Variants in PSMD2 observed in about 807,000 individuals in gnomAD.
PSMD2 encodes the protein proteasome 26S subunit ubiquitin receptor, non-ATPase 2.
In PSMD2, 8 loss-of-function variants were observed where a neutral mutation model predicts 101.5. The ratio of observed to expected loss-of-function variants is 0.08; its 90% CI spans 0.05 to 0.14. PSMD2 has a LOEUF of 0.14. Among genes scored for constraint, PSMD2 ranks in the 10% least tolerant of loss-of-function variants. PSMD2 has a pLI of 1.00. For missense variants in PSMD2, 784 were observed against 1,147.4 expected, an observed-to-expected ratio of 0.68 and a Z score of 4.58; for synonymous variants, 418 against 433.8, an observed-to-expected ratio of 0.96 and a Z score of 0.45.
In PSMD2 at chr3:184,304,269, A is replaced by G; in HGVS notation, c.1452-35A>G. On this transcript the variant is annotated intron_variant, in intron 11 of 20. Coordinates refer to ENST00000310118, the MANE Select transcript of PSMD2 (RefSeq NM_002808.5). The surrounding 1 kb of genome is among the most constrained non-coding windows in gnomAD (Gnocchi z 4.1). ...TTCTTTTCTTGCTGCATCGTTGGGT[A>G]TGTGTTGGGGACCGCCTTTCCATGG... 2 of 1,598,124 alleles carry G rather than the reference A, an allele frequency of 1.3e-6. No homozygotes were observed. The highest frequency in any genetic ancestry group is 1.7e-6 in the Non-Finnish European group (2 of 1,165,476).
chr3:184,299,785 G>T, intron 1 of PSMD2, 66 bp from the exon 2 acceptor site: 1 of 1,352,340 alleles, frequency 7.4e-7, no homozygotes, highest in Non-Finnish European at 1.1e-6. Flanking sequence ...ACCTGCCCCG[G>T]GTAAGTGGGA....
In PSMD2 at chr3:184,304,087, G is replaced by C. The variant is rs372122447; in HGVS notation, c.1451+13G>C. On this transcript the variant is annotated intron_variant, in intron 11 of 20. Transcript: ENST00000310118. The surrounding 1 kb of genome is among the most constrained non-coding windows in gnomAD (Gnocchi z 4.1). ...GTTCCATCTTTGGGTAAGGTTCCTC[G>C]CTTGTCTTTCTGGTAGTGCTCAGCC... 6.2e-7 allele frequency: 1 copy of C among 1,613,688 alleles called. No homozygotes were observed. The highest frequency in any genetic ancestry group is 8.5e-7 in the Non-Finnish European group (1 of 1,179,952).
chr3:184,299,519 C>T, intron 1 of PSMD2, 118 bp downstream of exon 1: 1 of 1,267,778 alleles, frequency 7.9e-7, no homozygotes, highest in South Asian at 2.2e-5. Flanking sequence ...GCGGTTGGGG[C>T]GACCCTCGGG....
At position 184,308,062 on chromosome 3, in the gene PSMD2, A is replaced by C; in HGVS notation, c.2425+46A>C. The C allele has an allele frequency of 6.2e-7, 1 of 1,606,208 alleles. No homozygotes were observed. The highest frequency in any genetic ancestry group is 8.5e-7 in the Non-Finnish European group (1 of 1,177,110). On this transcript the variant is annotated intron_variant, in intron 19 of 20. Coordinates refer to ENST00000310118, the MANE Select transcript of PSMD2 (RefSeq NM_002808.5). This position sits in a 1 kb window ranked among gnomAD's most constrained non-coding sequence, Gnocchi z 6.0. The stretch of plus-strand genomic sequence containing the variant: ...TTATATCATAGCATGCAGGGCTCTG[A>C]CTCCACCCTTTCCAGGGCCACTTTG...
intron 1 of PSMD2, 55 bp downstream of exon 1, chr3:184,299,456 G>C (rs1351372046): frequency 2.3e-6 from 3 of 1,307,944 alleles, no homozygotes; most frequent in Admixed American, 4.0e-5. Context: ...AGTCACGGCG[G>C]CTCCGCAGGC....
intron 1 of PSMD2, 179 bp downstream of exon 1, chr3:184,299,580 C>T: frequency 2.2e-6 from 2 of 917,714 alleles, no homozygotes; most frequent in Middle Eastern, 3.7e-4. Context: ...CGCGCTGTCA[C>T]CTCCGCCGTC....
Position 184,308,667 on chromosome 3 carries a change from G to C in PSMD2, c.2545-41G>C. On this transcript the variant is annotated intron_variant, in intron 20 of 20. Transcript: ENST00000310118. This position sits in a 1 kb window ranked among gnomAD's most constrained non-coding sequence, Gnocchi z 6.0. ...AAACTGGCGTGGGCGGTGGCTTGTC[G>C]CTACTTTTCCATCTCTCTTTTCAAT... The C allele has an allele frequency of 6.3e-7, 1 of 1,597,824 alleles. No homozygotes were observed. The highest frequency in any genetic ancestry group is 8.6e-7 in the Non-Finnish European group (1 of 1,167,110).
In PSMD2 at chr3:184,300,274, G is replaced by A. The variant is rs1459545098; in HGVS notation, c.193-6G>A. 5.0e-6 allele frequency: 8 copies of A among 1,610,416 alleles called. No individual in the cohort carries two copies. Among genetic ancestry groups the A allele is most frequent in the Middle Eastern group, 1.7e-4 (1 of 6,036 alleles). Reference sequence around the variant, plus strand: ...TTTTGTCTGAGCCCTGTCGTCTCTTGATCAGGAGAAGGATACATCCCTGTA... The same window carrying A: ...TTTTGTCTGAGCCCTGTCGTCTCTTAATCAGGAGAAGGATACATCCCTGTA... On this transcript the variant is annotated splice_polypyrimidine_tract_variant and splice_region_variant and intron_variant, in intron 2 of 20. Coordinates refer to ENST00000310118, the MANE Select transcript of PSMD2 (RefSeq NM_002808.5).
At chr3:184,303,205 A>T (rs1485800941) in intron 8 of PSMD2, 115 bp from the exon 9 acceptor site, 1 of 1,497,110 alleles carries the variant, frequency 6.7e-7, no homozygotes, top group East Asian at 2.3e-5. Context: ...GGGGGGGTAT[A>T]GGTAGAGGAT....
rs989402853 is a variant in PSMD2, at chr3:184,304,484, G to A, written c.1539+93G>A. 46 of 1,246,524 alleles carry A rather than the reference G, an allele frequency of 3.7e-5. No homozygotes were observed. The highest frequency in any genetic ancestry group is 4.7e-5 in the Non-Finnish European group (41 of 863,422). 77.2% of individuals were successfully genotyped at this position (1,246,524 alleles called of 1,614,324 possible). A position where few individuals can be genotyped will look rare whatever the true frequency, so the allele number is the denominator to read the frequency against. On this transcript the variant is annotated intron_variant, in intron 12 of 20. Transcript: ENST00000310118. The surrounding 1 kb of genome is among the most constrained non-coding windows in gnomAD (Gnocchi z 4.1). ...AATAATGAAAAAGAAGTAAGTGTGT[G>A]CATGTGTGCATACATGTACATGCCT... is the stretch of plus-strand genomic sequence containing the variant.
At chr3:184,302,603 T>C in intron 6 of PSMD2, 75 bp downstream of exon 6, 1 of 1,611,416 alleles carries the variant, frequency 6.2e-7, no homozygotes. Context: ...GACTTGTAGT[T>C]TCTGGTTAGG....
Position 184,308,572 on chromosome 3 carries a change from GAGGCTGAGTAGAGGGGAGGGCTC to G in PSMD2, c.2544+12_2544+34del. 7 of 1,610,090 alleles carry G rather than the reference GAGGCTGAGTAGAGGGGAGGGCTC, an allele frequency of 4.3e-6. No individual in the cohort carries two copies. The highest frequency in any genetic ancestry group is 2.2e-5 in the South Asian group (2 of 90,914). On this transcript the variant is annotated splice_donor_region_variant and intron_variant, in intron 20 of 20. Transcript: ENST00000310118. The surrounding 1 kb of genome is among the most constrained non-coding windows in gnomAD (Gnocchi z 6.0). ...GTGTCTGTCCGTGTGGGCCAGGTGA[GAGGCTGAGTAGAGGGGAGGGCTC>G]AGGCTGTATTCTCAAACTGGAGAAT...
chr3:184,306,206 C>G, intron 14 of PSMD2, 51 bp downstream of exon 14: 1 of 1,602,230 alleles, frequency 6.2e-7, no homozygotes, highest in Non-Finnish European at 8.6e-7. Context: ...CTCCTCACTT[C>G]TTTCTTGGTC....
chr3:184,307,558 A>T (rs760861628), intron 17 of PSMD2, 33 bp downstream of exon 17: 15 of 1,613,972 alleles, frequency 9.3e-6, no homozygotes, highest in Middle Eastern at 1.6e-4. Context: ...TCATAAACAG[A>T]TTGGGGGAAG....
At position 184,300,385 on chromosome 3, in the gene PSMD2, C is replaced by T. The variant is rs1474268582; in HGVS notation, c.298C>T (p.Arg100Cys). The change falls in exon 3 of 21, where the codon CGT (arginine) becomes TGT (cysteine). Residue 100 changes from arginine (R) to cysteine (C), a missense_variant. Arg to Cys is a radical substitution (Grantham distance 180). Transcript: ENST00000310118. The stretch of plus-strand genomic sequence containing the variant: ...AGTGCCCAAGCCTCTCAAATTTCTG[C>T]GTCCACACTATGGCAAACTGAAGGA... Reference protein sequence around the residue: ...TSVPKPLKFLRPHYGKLKEIY... With the variant: ...TSVPKPLKFLCPHYGKLKEIY... The T allele has an allele frequency of 3.7e-6, 6 of 1,614,100 alleles. No individual in the cohort carries two copies. Among genetic ancestry groups the T allele is most frequent in the Admixed American group, 1.7e-5 (1 of 60,026 alleles).
At position 184,304,150 on chromosome 3, in the gene PSMD2, C is replaced by T. The variant is rs1053174977; in HGVS notation, c.1451+76C>T. On this transcript the variant is annotated intron_variant, in intron 11 of 20. Transcript: ENST00000310118. This position sits in a 1 kb window ranked among gnomAD's most constrained non-coding sequence, Gnocchi z 4.1. ...AGAACAGGAACTGGGCCCTTTTCAC[C>T]CATATTGCCAAGGGCTACCACTGTG... The T allele has an allele frequency of 6.3e-7, 1 of 1,588,414 alleles. No individual in the cohort carries two copies. Among genetic ancestry groups the T allele is most frequent in the African/African-American group, 1.3e-5 (1 of 74,402 alleles).
chr3:184,300,566 G>C, intron 3 of PSMD2, 122 bp downstream of exon 3: 1 of 1,459,526 alleles, frequency 6.9e-7, no homozygotes, highest in Non-Finnish European at 9.1e-7. Flanking sequence ...TATTTGAGCA[G>C]AGTTCATCAC....
rs1721895102 is a variant in PSMD2 at position 184,308,079 on chromosome 3, G to A, written c.2425+63G>A. The A allele has an allele frequency of 3.8e-6, 6 of 1,592,472 alleles. No homozygotes were observed. The highest frequency in any genetic ancestry group is 5.1e-6 in the Non-Finnish European group (6 of 1,170,454). On this transcript the variant is annotated intron_variant, in intron 19 of 20. Transcript: ENST00000310118. The surrounding 1 kb of genome is among the most constrained non-coding windows in gnomAD (Gnocchi z 6.0). ...GGGCTCTGACTCCACCCTTTCCAGG[G>A]CCACTTTGATAATTTAGGTTCAAGA...
Position 184,301,645 on chromosome 3 carries a change from C to A in PSMD2, c.466C>A (p.His156Asn). ...GSQEELASWGHEYVRHLAGEV... is the reference protein window; with the variant it reads ...GSQEELASWGNEYVRHLAGEV... ...CCAGGAGGAATTGGCATCATGGGGT[C>A]ATGAGTATGTCAGGTAAGATCTTTC... The change falls in exon 4 of 21, where the codon CAT becomes AAT. Residue 156 changes from histidine (H) to asparagine (N), a missense_variant. Coordinates refer to ENST00000310118, the MANE Select transcript of PSMD2 (RefSeq NM_002808.5). The A allele has an allele frequency of 6.2e-7, 1 of 1,614,130 alleles. No individual in the cohort carries two copies. The highest frequency in any genetic ancestry group is 1.1e-5 in the South Asian group (1 of 91,064).
Sources: gnomAD v4.1 joint callset for allele counts on GRCh38, gnomAD v4.1.1 for gene constraint, Gnocchi (gnomAD v3.1) non-coding constraint, MANE v1.5 for transcripts, NCBI Gene and HGNC (gene_info 2026-07-23, HGNC 2026-07-21) for gene names.